The following TANC1 variants were observed in gnomAD, a reference collection of about 807,000 sequenced individuals.
TANC1 encodes the protein protein TANC1.
Under a neutral mutation model 149.7 loss-of-function variants are expected in TANC1, and 77 were observed. The observed-to-expected ratio is 0.51, with a 90% CI of 0.43 to 0.62. The LOEUF is 0.62. Ranked by LOEUF, TANC1 falls within the 20% of genes least tolerant of loss-of-function variation. TANC1 has a pLI of 0.00. For missense variants in TANC1, 1,985 were observed against 2,321.8 expected, an observed-to-expected ratio of 0.85 and a Z score of 2.98; for synonymous variants, 854 against 925.0, an observed-to-expected ratio of 0.92 and a Z score of 1.39.
At chr2:159,034,590 G>A (rs1262476771) in intron 2 of TANC1, among the ~76,000 whole-genome samples, 4 of 152,162 alleles carry the variant, frequency 2.6e-5, no homozygotes, top group Non-Finnish European at 4.4e-5. Context: ...TAGTGTAACA[G>A]TACTAGCAGG....
At chr2:159,147,853 C>T (rs951034135) in intron 5 of TANC1, 11 of 152,112 alleles carry the variant, frequency 7.2e-5, no homozygotes, top group Non-Finnish European at 7.4e-5. Context: ...ATGCTGCCAG[C>T]GTAGTTTCCC....
chr2:159,106,915 T>A (rs1000383472), intron 4 of TANC1, among the ~76,000 whole-genome samples: 3 of 152,294 alleles, frequency 2.0e-5, no homozygotes, highest in African/African-American at 7.2e-5. Flanking sequence ...ATTGTTTTTA[T>A]ATTCTGAATA....
rs750184106 is a variant in TANC1 at position 159,230,221 on chromosome 2, G to T, written c.4795G>T (p.Asp1599Tyr). ...TTRAGCGHFGDRLGPSQNVRL... is the reference protein window; with the variant it reads ...TTRAGCGHFGYRLGPSQNVRL... ...AAGAGCTGGTTGTGGCCACTTTGGG[G>T]ATCGGCTGGGCCCCAGCCAGAATGT... Residue 1599 changes from aspartate (D) to tyrosine (Y), a missense_variant, in exon 27 of 27, where the codon GAT (aspartate) becomes TAT (tyrosine). Asp to Tyr is a radical substitution (Grantham distance 160). This residue lies in a region of TANC1 where 920 missense variants were observed against 994.7 expected (regional missense o/e 0.92). Transcript: ENST00000263635. This position sits in a 1 kb window ranked among gnomAD's most constrained non-coding sequence, Gnocchi z 4.4. 2 of 1,614,004 alleles carry T rather than the reference G, an allele frequency of 1.2e-6. No individual in the cohort carries two copies. The highest frequency in any genetic ancestry group is 1.3e-5 in the African/African-American group (1 of 75,074).
intron 1 of TANC1, among the ~76,000 whole-genome samples, chr2:158,983,477 A>AAAAAAAAAAAAAAAAAAAAAC (rs1559098764): frequency 6.6e-6 from 1 of 151,202 alleles, no homozygotes; most frequent in African/African-American, 2.4e-5. Context: ...CCAAAAAAAA[A>AAAAAAAAAAAAAAAAAAAAAC]AAAAAAAAAA....
chr2:159,187,103 C>T, intron 16 of TANC1, 79 bp downstream of exon 16: 2 of 1,555,612 alleles, frequency 1.3e-6, no homozygotes, highest in South Asian at 1.2e-5. Context: ...CCCTGTTTCC[C>T]TCTGCCCTGG....
intron 3 of TANC1, among the ~76,000 whole-genome samples, chr2:159,078,226 A>G (rs1490929074): frequency 6.6e-6 from 1 of 152,192 alleles, no homozygotes; most frequent in Non-Finnish European, 1.5e-5. Flanking sequence ...GGCATATAGT[A>G]TATGTTATGT....
intron 3 of TANC1, among the ~76,000 whole-genome samples, chr2:159,086,402 A>T (rs540813167): frequency 6.6e-6 from 1 of 152,114 alleles, no homozygotes; most frequent in East Asian, 1.9e-4. Flanking sequence ...AATAGGAAAG[A>T]CCATCTGACA....
At chr2:158,995,067 G>A (rs2036008260) in intron 1 of TANC1, among the ~76,000 whole-genome samples, 1 of 152,172 alleles carries the variant, frequency 6.6e-6, no homozygotes, top group African/African-American at 2.4e-5. Flanking sequence ...TGTTTTGAGG[G>A]TTAAAGGAGA....
chr2:159,158,252 C>T (rs887670802), intron 7 of TANC1, among the ~76,000 whole-genome samples: 2 of 151,986 alleles, frequency 1.3e-5, no homozygotes, highest in Non-Finnish European at 2.9e-5. Flanking sequence ...CCCAGCTACT[C>T]AGGAGGCTGA....
intron 3 of TANC1, among the ~76,000 whole-genome samples, chr2:159,087,098 G>T (rs989507773): frequency 6.6e-6 from 1 of 152,046 alleles, no homozygotes; most frequent in African/African-American, 2.4e-5. Flanking sequence ...AGGGTCTCCA[G>T]ATAAAGTAAG....
chr2:159,226,949 G>T (rs1348075376), intron 24 of TANC1: 1 of 152,168 alleles, frequency 6.6e-6, no homozygotes, highest in East Asian at 1.9e-4. Context: ...CATTTGCATA[G>T]GTCACTATTC....
intron 3 of TANC1, among the ~76,000 whole-genome samples, chr2:159,096,221 G>T (rs905291561): frequency 4.0e-5 from 6 of 151,764 alleles, no homozygotes; most frequent in Non-Finnish European, 8.8e-5. Context: ...ATACTAACGA[G>T]CGGGGAAGGT....
chr2:158,981,528 T>TATATATATATATATAC (rs1559096425), intron 1 of TANC1, among the ~76,000 whole-genome samples: 10 of 114,530 alleles, frequency 8.7e-5, no homozygotes, highest in African/African-American at 3.0e-4. Flanking sequence ...TATATATATA[T>TATATATATATATATAC]ATATATATAT....
chr2:159,107,140 G>C (rs1322868486), intron 4 of TANC1, among the ~76,000 whole-genome samples: 1 of 152,156 alleles, frequency 6.6e-6, no homozygotes, highest in Non-Finnish European at 1.5e-5. Context: ...CGATTCTCCT[G>C]TCTCAGCCTC....
At chr2:159,109,333 T>C (rs1478415179) in intron 4 of TANC1, among the ~76,000 whole-genome samples, 1 of 152,176 alleles carries the variant, frequency 6.6e-6, no homozygotes, top group Non-Finnish European at 1.5e-5. Flanking sequence ...ATAATGGGGC[T>C]TCTAAGATGT....
chr2:159,173,956 A>G (rs1406091572), intron 11 of TANC1, among the ~76,000 whole-genome samples: 2 of 152,212 alleles, frequency 1.3e-5, no homozygotes, highest in South Asian at 2.1e-4. Flanking sequence ...TTGGCAAGGC[A>G]TCTAACCTCA....
intron 1 of TANC1, among the ~76,000 whole-genome samples, chr2:158,988,522 C>T (rs1020036869): frequency 2.0e-5 from 3 of 152,010 alleles, no homozygotes; most frequent in African/African-American, 7.2e-5. Flanking sequence ...TTATTTTCCC[C>T]TCCACCTTTG....
chr2:159,105,349 G>T (rs537310825), intron 4 of TANC1, among the ~76,000 whole-genome samples: 27 of 152,160 alleles, frequency 1.8e-4, no homozygotes, highest in African/African-American at 4.1e-4. Context: ...GCTATTCCTG[G>T]TGTGAATATT....
intron 1 of TANC1, among the ~76,000 whole-genome samples, chr2:158,970,862 C>T (rs1433928939): frequency 3.3e-5 from 5 of 152,178 alleles, no homozygotes; most frequent in African/African-American, 1.2e-4. Context: ...CCAAACTTAA[C>T]TTTTTGGCAC....
Sources: gnomAD v4.1 joint callset for allele counts (sites outside exome capture counted in the v4.1 genomes callset) on GRCh38, gnomAD v4.1.1 for gene constraint, gnomAD v4.1.1 regional missense constraint, Gnocchi (gnomAD v3.1) non-coding constraint, MANE v1.5 for transcripts, NCBI Gene and HGNC (gene_info 2026-07-23, HGNC 2026-07-21) for gene names.